Variants in AGBL1 observed in about 807,000 individuals in gnomAD.
The protein encoded by AGBL1 is cytosolic carboxypeptidase 4.
AGBL1 carries 130 observed loss-of-function variants against 118.9 expected under a neutral mutation model. The observed-to-expected ratio is 1.09, with a 90% CI of 0.95 to 1.26. The LOEUF is 1.26. Ranked by LOEUF, AGBL1 falls within the 50% of genes most tolerant of loss-of-function variation. The pLI is 0.00. For missense variants in AGBL1, 1,584 were observed against 1,298.1 expected, an observed-to-expected ratio of 1.22 and a Z score of -3.38; for synonymous variants, 555 against 478.9, an observed-to-expected ratio of 1.16 and a Z score of -2.08.
chr15:86,762,798 A>G (rs16977960), intron 22 of AGBL1, among the ~76,000 whole-genome samples: 13,018 of 151,884 alleles, frequency 0.086, 650 homozygotes, highest in South Asian at 0.15. Flanking sequence ...AGAATGCATT[A>G]TTTTCTACCT....
intron 22 of AGBL1, among the ~76,000 whole-genome samples, chr15:86,852,212 G>A (rs1194729214): frequency 1.3e-5 from 2 of 152,066 alleles, no homozygotes; most frequent in African/African-American, 4.8e-5. Context: ...TCTTCACAAG[G>A]GGCAGGAGAG....
rs1320474191 is a variant in AGBL1, at chr15:86,534,239, G to T, written c.2685+11300G>T. ...GAAAATAGTAAGCACTGTAACAAAG[G>T]CCCATGTGAGCTTTGATAGGAACAT... On this transcript the variant is annotated intron_variant, in intron 19 of 22. Transcript: ENST00000614907. Among the ~76,000 whole-genome samples the T allele has an allele frequency of 5.2e-4, 78 of 151,312 alleles. 1 individual carries two copies.
chr15:86,708,976 C>T (rs2086505465), intron 22 of AGBL1, among the ~76,000 whole-genome samples: 1 of 152,114 alleles, frequency 6.6e-6, no homozygotes, highest in Admixed American at 6.6e-5. Flanking sequence ...AATCCTTAAC[C>T]AGCTTTTTAA....
chr15:86,491,775 T>A (rs529324379), intron 18 of AGBL1, among the ~76,000 whole-genome samples: 4 of 151,828 alleles, frequency 2.6e-5, no homozygotes, highest in Non-Finnish European at 5.9e-5. Context: ...TGGAAAAAAA[T>A]TAATGATATT....
intron 23 of AGBL1, among the ~76,000 whole-genome samples, chr15:86,952,596 T>C (rs2080890926): frequency 6.6e-6 from 1 of 152,180 alleles, no homozygotes; most frequent in Non-Finnish European, 1.5e-5. Flanking sequence ...CTTTGTCAGA[T>C]GCATAGTTTT....
chr15:86,636,793 T>C (rs1193745583), intron 21 of AGBL1, among the ~76,000 whole-genome samples: 1 of 128,894 alleles, frequency 7.8e-6, no homozygotes, highest in African/African-American at 2.8e-5. Context: ...GAAGATTACC[T>C]TCTTTAATAC....
At chr15:86,688,817 G>C (rs567207835) in intron 22 of AGBL1, among the ~76,000 whole-genome samples, 3 of 152,040 alleles carry the variant, frequency 2.0e-5, no homozygotes, top group Non-Finnish European at 4.4e-5. Context: ...CACAATCACA[G>C]TTATTCCCAT....
chr15:86,329,136 A>G (rs2080232207), intron 17 of AGBL1, among the ~76,000 whole-genome samples: 1 of 152,098 alleles, frequency 6.6e-6, no homozygotes, highest in African/African-American at 2.4e-5. Flanking sequence ...ATCTTGGCAG[A>G]CTGGAACCAG....
chr15:86,715,785 G>A (rs540802240), intron 22 of AGBL1, among the ~76,000 whole-genome samples: 2 of 152,124 alleles, frequency 1.3e-5, no homozygotes, highest in Non-Finnish European at 2.9e-5. Flanking sequence ...CAGGCCGGGT[G>A]CGGTGGCTCA....
At chr15:87,013,546 T>A (rs1013348863) in intron 24 of AGBL1, among the ~76,000 whole-genome samples, 7 of 142,654 alleles carry the variant, frequency 4.9e-5, no homozygotes, top group African/African-American at 1.3e-4. Context: ...TTTTTTTTTT[T>A]ACAAGACTCC....
At chr15:87,013,519 T>C (rs553359213) in intron 24 of AGBL1, among the ~76,000 whole-genome samples, 108 of 109,276 alleles carry the variant, frequency 9.9e-4, no homozygotes, top group African/African-American at 2.7e-3. Flanking sequence ...TATTTTTTCT[T>C]TTGTTTTTGA....
intron 22 of AGBL1, among the ~76,000 whole-genome samples, chr15:86,721,451 G>C (rs79644587): frequency 0.81 from 123,071 of 152,130 alleles, 49,942 homozygotes; most frequent in East Asian, 0.93. Context: ...ATTCAACAAC[G>C]CTTCATGCTA....
intron 22 of AGBL1, among the ~76,000 whole-genome samples, chr15:86,874,456 T>C (rs1325847368): frequency 6.6e-6 from 1 of 151,870 alleles, no homozygotes; most frequent in Non-Finnish European, 1.5e-5. Context: ...TTATGTTCGT[T>C]TCTCCCCATT....
At chr15:86,477,348 G>GAAGAA (rs2082575224) in intron 18 of AGBL1, among the ~76,000 whole-genome samples, 1 of 152,126 alleles carries the variant, frequency 6.6e-6, no homozygotes, top group Non-Finnish European at 1.5e-5. Flanking sequence ...GACTGATAAA[G>GAAGAA]AAGAAAAGAG....
At chr15:86,810,736 G>C (rs1285659403) in intron 22 of AGBL1, among the ~76,000 whole-genome samples, 2 of 152,030 alleles carry the variant, frequency 1.3e-5, no homozygotes, top group African/African-American at 2.4e-5. Context: ...CTTTGCCTTA[G>C]GTTTGTCCTT....
At chr15:86,380,210 T>C (rs2081092992) in intron 17 of AGBL1, among the ~76,000 whole-genome samples, 1 of 150,972 alleles carries the variant, frequency 6.6e-6, no homozygotes, top group South Asian at 2.1e-4. Context: ...AGAGTTCCCT[T>C]CCTCCCTCTC....
intron 17 of AGBL1, among the ~76,000 whole-genome samples, chr15:86,347,920 A>G (rs1428696933): frequency 6.6e-6 from 1 of 152,250 alleles, no homozygotes; most frequent in Non-Finnish European, 1.5e-5. Flanking sequence ...TCAAGACTTC[A>G]TAATTCCTTT....
chr15:86,358,019 A>G (rs543211438), intron 17 of AGBL1, among the ~76,000 whole-genome samples: 1 of 152,190 alleles, frequency 6.6e-6, no homozygotes, highest in Admixed American at 6.5e-5. Flanking sequence ...CATACTTATA[A>G]TTTTTTTGTG....
chr15:86,737,411 T>C (rs1051190434), intron 22 of AGBL1, among the ~76,000 whole-genome samples: 1 of 152,226 alleles, frequency 6.6e-6, no homozygotes, highest in Non-Finnish European at 1.5e-5. Flanking sequence ...TTTCTGGTTA[T>C]CACAACATCT....
Sources: allele counts gnomAD v4.1 joint callset (sites outside exome capture counted in the v4.1 genomes callset), GRCh38; gene constraint gnomAD v4.1.1; transcripts MANE v1.5; gene names NCBI Gene and HGNC (gene_info 2026-07-23, HGNC 2026-07-21).